Variants in HTR4 observed in about 807,000 individuals in gnomAD.
HTR4 encodes the protein 5-hydroxytryptamine (serotonin) receptor 4, G protein-coupled.
In HTR4, 16 loss-of-function variants were observed where a neutral mutation model predicts 36.8. The ratio of observed to expected loss-of-function variants is 0.43; its 90% CI spans 0.29 to 0.66. The LOEUF (loss-of-function observed/expected upper bound fraction) is 0.66, where lower values mean the gene tolerates loss of function less well. Among genes scored for constraint, HTR4 ranks in the 30% least tolerant of loss-of-function variants. The pLI is 0.13. For missense variants in HTR4, 438 were observed against 490.9 expected (o/e 0.89, Z 1.02); for synonymous variants, 189 against 185.1 (o/e 1.02, Z -0.17).
chr5:148,547,620 C>T (rs1026949993), intron 4 of HTR4, among the ~76,000 whole-genome samples: 8 of 151,598 alleles, frequency 5.3e-5, no homozygotes, highest in Non-Finnish European at 1.0e-4. Context: ...TGTCTGAGCA[C>T]GATGGCTCAC....
intron 6 of HTR4, among the ~76,000 whole-genome samples, chr5:148,493,546 A>C (rs1398926439): frequency 1.3e-5 from 2 of 152,350 alleles, no homozygotes; most frequent in East Asian, 3.9e-4. Context: ...TATCAACGAT[A>C]AATGAATGAT....
At chr5:148,643,572 G>A (rs1003212867) in intron 1 of HTR4, among the ~76,000 whole-genome samples, 2 of 152,174 alleles carry the variant, frequency 1.3e-5, no homozygotes, top group Admixed American at 1.3e-4. Flanking sequence ...GCAATCACTT[G>A]ATTAACATTT....
In HTR4 at chr5:148,592,113, C is replaced by T. The variant is rs550619973; in HGVS notation, c.27-41851G>A. Reference sequence around the variant, plus strand: ...CATGGATAAAGCTGGAGGCCATTATCCTTAGTAAACTAACATAGGAACAAA... The same window carrying T: ...CATGGATAAAGCTGGAGGCCATTATTCTTAGTAAACTAACATAGGAACAAA... On this transcript the variant is annotated intron_variant, in intron 2 of 6. Coordinates refer to ENST00000377888, the MANE Select transcript of HTR4 (RefSeq NM_000870.7). Among the ~76,000 whole-genome samples, 5 of 152,154 alleles carry T rather than the reference C, an allele frequency of 3.3e-5. 1 individual carries two copies. Among genetic ancestry groups the T allele is most frequent in the African/African-American group, 1.2e-4 (5 of 41,482 alleles).
At chr5:148,524,061 A>T (rs1172953341) in intron 4 of HTR4, among the ~76,000 whole-genome samples, 1 of 152,026 alleles carries the variant, frequency 6.6e-6, no homozygotes, top group African/African-American at 2.4e-5. Flanking sequence ...TGCTGAATCA[A>T]ACTCACCTGA....
downstream of HTR4, among the ~76,000 whole-genome samples, chr5:148,471,939 A>G (rs1242786581): frequency 6.6e-6 from 1 of 152,204 alleles, no homozygotes; most frequent in Admixed American, 6.5e-5. Context: ...GGAAACACAA[A>G]AAGTTGCTGG....
chr5:148,522,275 G>C (rs1758059079), intron 5 of HTR4, among the ~76,000 whole-genome samples: 1 of 152,054 alleles, frequency 6.6e-6, no homozygotes, highest in African/African-American at 2.4e-5. Flanking sequence ...TGTAAAAATG[G>C]ACTAGTACAT....
chr5:148,451,983 T>C (rs945372319), intron 5 of HTR4, among the ~76,000 whole-genome samples: 5 of 152,204 alleles, frequency 3.3e-5, no homozygotes, highest in African/African-American at 4.8e-5. Flanking sequence ...TTTAGAAGCA[T>C]GTTCACCACT....
chr5:148,527,383 T>C (rs1413655448), intron 4 of HTR4, among the ~76,000 whole-genome samples: 1 of 152,194 alleles, frequency 6.6e-6, no homozygotes, highest in African/African-American at 2.4e-5. Context: ...AAAGCCTTTC[T>C]TTCTAAATCT....
chr5:148,507,767 C>T (rs1246893607), intron 6 of HTR4, among the ~76,000 whole-genome samples: 1 of 152,118 alleles, frequency 6.6e-6, no homozygotes, highest in Non-Finnish European at 1.5e-5. Context: ...ATGAAAAAAA[C>T]CATCAACTGC....
chr5:148,576,110 C>CAAAAAAAAAAAAAAAAACAAAAAAAAAAA (rs1760891689), intron 2 of HTR4, among the ~76,000 whole-genome samples: 1 of 32,712 alleles, frequency 3.1e-5, no homozygotes, highest in Non-Finnish European at 5.4e-5. Flanking sequence ...GACTCCGTCT[C>CAAAAAAAAAAAAAAAAACAAAAAAAAAAA]AAAAAAAAAA....
intron 2 of HTR4, among the ~76,000 whole-genome samples, chr5:148,558,045 A>C (rs1454089628): frequency 1.3e-5 from 2 of 152,036 alleles, no homozygotes; most frequent in Non-Finnish European, 2.9e-5. Flanking sequence ...GAAAATATAC[A>C]CAGCACATCC....
At position 148,632,987 on chromosome 5, in the gene HTR4, T is replaced by A. The variant is rs1268805999; in HGVS notation, c.26+4002A>T. Among the ~76,000 whole-genome samples, 5 of 152,176 alleles carry A rather than the reference T, an allele frequency of 3.3e-5. No homozygotes were observed. The East Asian group carries it at 9.6e-4, about 29-fold the overall frequency. The stretch of plus-strand genomic sequence containing the variant: ...CTGCAAAATCATCAAAGCCAGTGTT[T>A]CCATTTTTCTTTCTTCAACCCTTCA... On this transcript the variant is annotated intron_variant, in intron 2 of 6. Coordinates refer to ENST00000377888, the MANE Select transcript of HTR4 (RefSeq NM_000870.7).
chr5:148,614,864 G>C (rs1752596949), intron 2 of HTR4, among the ~76,000 whole-genome samples: 2 of 152,074 alleles, frequency 1.3e-5, no homozygotes, highest in Admixed American at 1.3e-4. Flanking sequence ...TCAAAAAGTG[G>C]GCAAAGGACA....
intron 4 of HTR4, among the ~76,000 whole-genome samples, chr5:148,527,372 GA>G (rs1758333795): frequency 6.6e-6 from 1 of 152,074 alleles, no homozygotes; most frequent in African/African-American, 2.4e-5. Flanking sequence ...ACATTTTTAT[GA>G]AAGCCTTTCT....
chr5:148,459,317 TGAG>T (rs1755205662), intron 5 of HTR4, among the ~76,000 whole-genome samples: 1 of 152,194 alleles, frequency 6.6e-6, no homozygotes, highest in South Asian at 2.1e-4. Context: ...TGTAAATATC[TGAG>T]AAGAATCCCC....
intron 2 of HTR4, among the ~76,000 whole-genome samples, chr5:148,593,515 A>G (rs1317481234): frequency 6.6e-6 from 1 of 152,032 alleles, no homozygotes; most frequent in African/African-American, 2.4e-5. Flanking sequence ...TGTGGCTTCT[A>G]TCTCATTACT....
intron 6 of HTR4, among the ~76,000 whole-genome samples, chr5:148,503,896 A>G (rs1299178713): frequency 6.6e-6 from 1 of 152,208 alleles, no homozygotes; most frequent in East Asian, 1.9e-4. Context: ...AGAGACAAAG[A>G]AGGCCATTAA....
At chr5:148,597,860 C>A (rs115850710) in intron 2 of HTR4, among the ~76,000 whole-genome samples, 2,168 of 152,298 alleles carry the variant, frequency 0.014, 23 homozygotes, top group Middle Eastern at 0.031. Flanking sequence ...AGAACAAGTA[C>A]CTCCTACACT....
intron 2 of HTR4, among the ~76,000 whole-genome samples, chr5:148,570,839 T>G (rs963031834): frequency 2.2e-5 from 2 of 90,688 alleles, no homozygotes; most frequent in Non-Finnish European, 3.2e-5. Context: ...TGTGGGTTTT[T>G]GTTTTTGTTT....
Sources: allele counts gnomAD v4.1 joint callset (sites outside exome capture counted in the v4.1 genomes callset), GRCh38; gene constraint gnomAD v4.1.1; transcripts MANE v1.5; gene names NCBI Gene and HGNC (gene_info 2026-07-23, HGNC 2026-07-21).